The following AUTS2 variants were observed in gnomAD, a reference collection of about 807,000 sequenced individuals.
The protein encoded by AUTS2 is autism susceptibility gene 2 protein.
In AUTS2, 17 loss-of-function variants were observed where a neutral mutation model predicts 112.4. That is an observed-to-expected ratio of 0.15 (90% CI 0.10 to 0.23). The LOEUF (loss-of-function observed/expected upper bound fraction) is 0.23, where lower values mean the gene tolerates loss of function less well. Ranked by LOEUF, AUTS2 falls within the 10% of genes least tolerant of loss-of-function variation. The probability of loss-of-function intolerance (pLI) is 1.00; values close to 1 mark genes in which losing one functional copy is unlikely to be tolerated. For missense variants in AUTS2, 1,510 were observed against 1,701.6 expected (o/e 0.89, Z 1.98); for synonymous variants, 751 against 702.7 (o/e 1.07, Z -1.09).
At chr7:69,772,094 A>C (rs1788690789) in intron 1 of AUTS2, among the ~76,000 whole-genome samples, 1 of 150,012 alleles carries the variant, frequency 6.7e-6, no homozygotes. Context: ...CCGTGACCTG[A>C]CTTTTTTTAC....
At chr7:70,689,534 T>C (rs1336771329) in intron 5 of AUTS2, among the ~76,000 whole-genome samples, 1 of 151,888 alleles carries the variant, frequency 6.6e-6, no homozygotes, top group African/African-American at 2.4e-5. Flanking sequence ...CCCAGCACTT[T>C]GGGAGGCTGA....
intron 5 of AUTS2, among the ~76,000 whole-genome samples, chr7:70,616,739 T>G (rs1342778231): frequency 1.3e-5 from 2 of 148,848 alleles, no homozygotes; most frequent in East Asian, 3.9e-4. Context: ...CTTCTCAAAA[T>G]AGAGTGTCGA....
chr7:70,431,740 G>A (rs1795681521), intron 4 of AUTS2, among the ~76,000 whole-genome samples: 1 of 152,168 alleles, frequency 6.6e-6, no homozygotes, highest in African/African-American at 2.4e-5. Flanking sequence ...GTTGTTTAAG[G>A]GGTAAGACTT....
chr7:70,646,314 G>C (rs76206058), intron 5 of AUTS2, among the ~76,000 whole-genome samples: 2 of 152,168 alleles, frequency 1.3e-5, no homozygotes, highest in African/African-American at 4.8e-5. Flanking sequence ...TTAAGGCAGA[G>C]TCCATGGGGT....
rs150380808 is a variant in AUTS2 at position 70,290,001 on chromosome 7, T to A, written c.661-145751T>A. 5.1e-4 allele frequency among the ~76,000 whole-genome samples: 77 copies of A among 152,220 alleles called. 1 individual carries two copies. In the East Asian group the frequency reaches 0.015, roughly 29 times the overall value. On this transcript the variant is annotated intron_variant, in intron 4 of 18. Coordinates refer to ENST00000342771, the MANE Select transcript of AUTS2 (RefSeq NM_015570.4). ...GACTTCTGTCACTGATGGGGAAAAA[T>A]CAAATTATTCAAAGTCTTGCACCAT... is the stretch of plus-strand genomic sequence containing the variant.
At chr7:70,373,913 A>G (rs1490214491) in intron 4 of AUTS2, among the ~76,000 whole-genome samples, 1 of 152,018 alleles carries the variant, frequency 6.6e-6, no homozygotes, top group Non-Finnish European at 1.5e-5. Context: ...TTCACTAAAC[A>G]TTACATCACA....
chr7:70,499,253 A>G (rs895801510), intron 5 of AUTS2, among the ~76,000 whole-genome samples: 1 of 152,216 alleles, frequency 6.6e-6, no homozygotes, highest in African/African-American at 2.4e-5. Flanking sequence ...CTGAAGGGAA[A>G]GGAGAAGGGA....
intron 4 of AUTS2, among the ~76,000 whole-genome samples, chr7:70,255,884 A>G (rs1050066727): frequency 6.6e-6 from 1 of 152,232 alleles, no homozygotes; most frequent in Non-Finnish European, 1.5e-5. Flanking sequence ...AGATTTATTA[A>G]TCATTGGGTT....
intron 1 of AUTS2, among the ~76,000 whole-genome samples, chr7:69,746,944 C>G (rs1446007022): frequency 1.3e-5 from 2 of 152,072 alleles, no homozygotes; most frequent in Non-Finnish European, 2.9e-5. Flanking sequence ...GGCTGGTGAC[C>G]AAAAAGAAGG....
At chr7:70,634,557 GC>G (rs1243976004) in intron 5 of AUTS2, among the ~76,000 whole-genome samples, 1 of 152,122 alleles carries the variant, frequency 6.6e-6, no homozygotes, top group Non-Finnish European at 1.5e-5. Flanking sequence ...TGTTGGCCTG[GC>G]TCCGTCACCT....
intron 4 of AUTS2, among the ~76,000 whole-genome samples, chr7:70,178,119 GT>G (rs1029808279): frequency 6.6e-6 from 1 of 151,492 alleles, no homozygotes; most frequent in African/African-American, 2.4e-5. Context: ...TTTCATCATT[GT>G]TCTTATTTTT....
chr7:69,959,283 G>C (rs894875473), intron 2 of AUTS2, among the ~76,000 whole-genome samples: 3 of 152,086 alleles, frequency 2.0e-5, no homozygotes, highest in Non-Finnish European at 4.4e-5. Context: ...AAGAGCTTTT[G>C]GGAGCCTGCT....
At chr7:70,122,865 C>CTTTTTT (rs11297258) in intron 3 of AUTS2, among the ~76,000 whole-genome samples, 4 of 93,074 alleles carry the variant, frequency 4.3e-5, no homozygotes, top group Non-Finnish European at 4.1e-5. Flanking sequence ...GAGATGAAAG[C>CTTTTTT]TTTTTTTTTT....
chr7:69,770,588 A>G (rs1303910809), intron 1 of AUTS2, among the ~76,000 whole-genome samples: 6 of 152,138 alleles, frequency 3.9e-5, no homozygotes, highest in African/African-American at 7.2e-5. Flanking sequence ...AGTGAGCTAC[A>G]TGGAGTTAGA....
intron 4 of AUTS2, among the ~76,000 whole-genome samples, chr7:70,373,121 A>C (rs771170687): frequency 3.7e-4 from 56 of 151,530 alleles, no homozygotes; most frequent in Non-Finnish European, 7.2e-4. Flanking sequence ...TGCTCAAGAC[A>C]AGCTTTTTTT....
chr7:70,322,121 C>A (rs1416570222), intron 4 of AUTS2, among the ~76,000 whole-genome samples: 1 of 151,996 alleles, frequency 6.6e-6, no homozygotes, highest in Non-Finnish European at 1.5e-5. Flanking sequence ...GGAAGACCAG[C>A]AAAACTGCCC....
At chr7:70,599,379 C>T (rs1271174513) in intron 5 of AUTS2, among the ~76,000 whole-genome samples, 2 of 152,198 alleles carry the variant, frequency 1.3e-5, no homozygotes, top group Non-Finnish European at 2.9e-5. Context: ...TCTTTACACT[C>T]GACCTGATGG....
chr7:69,896,008 G>A (rs973593471), intron 1 of AUTS2, among the ~76,000 whole-genome samples: 1 of 152,196 alleles, frequency 6.6e-6, no homozygotes, highest in Non-Finnish European at 1.5e-5. Context: ...CTTAGAAGTG[G>A]TACAATTTAA....
At chr7:70,226,757 T>C (rs1811786627) in intron 4 of AUTS2, among the ~76,000 whole-genome samples, 1 of 152,164 alleles carries the variant, frequency 6.6e-6, no homozygotes, top group Non-Finnish European at 1.5e-5. Flanking sequence ...ATCATTTAAT[T>C]TTTGCAACTA....
Sources: allele counts gnomAD v4.1 joint callset (sites outside exome capture counted in the v4.1 genomes callset), GRCh38; gene constraint gnomAD v4.1.1; transcripts MANE v1.5; gene names NCBI Gene and HGNC (gene_info 2026-07-23, HGNC 2026-07-21).